The following PLXDC2 variants were observed in gnomAD, a reference collection of about 807,000 sequenced individuals.
PLXDC2 encodes the protein plexin domain containing 2, also known as plexin domain-containing protein 2.
In PLXDC2, 40 loss-of-function variants were observed where a neutral mutation model predicts 68.9. The ratio of observed to expected loss-of-function variants is 0.58; its 90% CI spans 0.45 to 0.76. The LOEUF (loss-of-function observed/expected upper bound fraction) is 0.76, where lower values mean the gene tolerates loss of function less well. PLXDC2 is among the 30% of genes least tolerant of loss of function. The pLI is 0.00. For missense variants in PLXDC2, 644 were observed against 661.9 expected, an observed-to-expected ratio of 0.97 and a Z score of 0.30; for synonymous variants, 243 against 234.2, an observed-to-expected ratio of 1.04 and a Z score of -0.34.
chr10:20,242,802 C>T (rs1026802805), intron 12 of PLXDC2, among the ~76,000 whole-genome samples: 2 of 152,158 alleles, frequency 1.3e-5, no homozygotes, highest in South Asian at 2.1e-4. Flanking sequence ...CCCCTGCCTT[C>T]AGGTTCAAGC....
chr10:20,165,963 G>T (rs1296441951), intron 7 of PLXDC2, among the ~76,000 whole-genome samples: 4 of 152,196 alleles, frequency 2.6e-5, no homozygotes, highest in East Asian at 1.9e-4. Context: ...GGGGGTGTTT[G>T]TGTCCTATGT....
intron 4 of PLXDC2, among the ~76,000 whole-genome samples, chr10:20,133,809 C>G (rs1833899982): frequency 6.6e-6 from 1 of 152,132 alleles, no homozygotes; most frequent in African/African-American, 2.4e-5. Context: ...TTTTCTCTTT[C>G]TCTGCTTCTT....
In PLXDC2 at chr10:20,068,208, C is replaced by T. The variant is rs752995446; in HGVS notation, c.510C>T (p.His170=). 3 of 1,613,438 alleles carry T rather than the reference C, an allele frequency of 1.9e-6. No individual in the cohort carries two copies. The highest frequency in any genetic ancestry group is 2.5e-6 in the Non-Finnish European group (3 of 1,179,684). Residue 170 remains histidine, a synonymous_variant, in exon 4 of 14, where the codon CAC becomes CAT. Coordinates refer to ENST00000377252, the MANE Select transcript of PLXDC2 (RefSeq NM_032812.9). Reference sequence around the variant, plus strand: ...CCTTCGATTTTCCATTTTATGGCCACTTCCTACGTGAAATCACTGTGGCAA... The same window carrying T: ...CCTTCGATTTTCCATTTTATGGCCATTTCCTACGTGAAATCACTGTGGCAA... ...NLSFDFPFYG[H]FLREITVATG...
intron 9 of PLXDC2, among the ~76,000 whole-genome samples, chr10:20,183,167 A>G (rs903127768): frequency 1.3e-5 from 2 of 151,944 alleles, no homozygotes; most frequent in Non-Finnish European, 2.9e-5. Context: ...TCAGACTTCA[A>G]GTGGAAATGT....
chr10:20,119,561 C>T (rs1833668099), intron 4 of PLXDC2, among the ~76,000 whole-genome samples: 1 of 145,748 alleles, frequency 6.9e-6, no homozygotes, highest in African/African-American at 2.4e-5. Flanking sequence ...ACGTGCAGGT[C>T]ACAGGGAATA....
At chr10:19,976,238 G>C (rs931929394) in intron 1 of PLXDC2, among the ~76,000 whole-genome samples, 17 of 151,930 alleles carry the variant, frequency 1.1e-4, no homozygotes, top group African/African-American at 4.1e-4. Flanking sequence ...TTTTGAGACA[G>C]AGTCTCACTC....
chr10:20,288,592 T>C lies in PLXDC2; in HGVS notation c.*8773T>C, dbSNP rs1358821887. 6.6e-6 allele frequency: 1 copy of C among 152,226 alleles called. No homozygotes were observed. The highest frequency in any genetic ancestry group is 1.5e-5 in the Non-Finnish European group (1 of 68,046). 9.4% of individuals were successfully genotyped at this position (152,226 alleles called of 1,614,324 possible). On this transcript the variant is annotated 3_prime_UTR_variant, in exon 14 of 14. Coordinates refer to ENST00000377252, the MANE Select transcript of PLXDC2 (RefSeq NM_032812.9). Reference sequence around the variant, plus strand: ...TACTTCTGCAAGCTTCCTGATTATGTTCACTGTAATATTAATGACCTAAGT... The same window carrying C: ...TACTTCTGCAAGCTTCCTGATTATGCTCACTGTAATATTAATGACCTAAGT...
At chr10:20,256,595 G>C (rs1835745424) in intron 13 of PLXDC2, among the ~76,000 whole-genome samples, 1 of 151,516 alleles carries the variant, frequency 6.6e-6, no homozygotes, top group Non-Finnish European at 1.5e-5. Flanking sequence ...CCCTAGATTT[G>C]TAATAAGATT....
At chr10:20,037,078 A>T (rs11011755) in intron 2 of PLXDC2, among the ~76,000 whole-genome samples, 15,222 of 152,226 alleles carry the variant, frequency 0.1, 1,700 homozygotes, top group African/African-American at 0.28. Context: ...GTTAAAAGGC[A>T]TTCCATGAGA....
intron 1 of PLXDC2, among the ~76,000 whole-genome samples, chr10:19,849,125 T>G (rs1315564051): frequency 6.6e-6 from 1 of 152,136 alleles, no homozygotes; most frequent in African/African-American, 2.4e-5. Flanking sequence ...AACCCACACA[T>G]GTACATAGTT....
In PLXDC2 at chr10:20,046,993, C is replaced by G. The variant is rs779067754; in HGVS notation, c.449C>G (p.Ser150Cys). 1 of 1,605,564 alleles carries G rather than the reference C, an allele frequency of 6.2e-7. No individual in the cohort carries two copies. The highest frequency in any genetic ancestry group is 1.7e-5 in the Admixed American group (1 of 57,912). The change falls in exon 3 of 14, where the codon TCC (serine) becomes TGC (cysteine). Residue 150 changes from serine to cysteine, a missense_variant. Around this residue, in one of 3 missense-constraint regions of PLXDC2, gnomAD observed 113 missense variants for 167.1 expected, o/e 0.68. Coordinates refer to ENST00000377252, the MANE Select transcript of PLXDC2 (RefSeq NM_032812.9). ...AAAGTGAAGATTCATGGAATATTGT[C>G]CAATACTCATCGGCAAGCTGCAGTA... ...KDKVKIHGIL[S>C]NTHRQAARVN...
chr10:20,112,106 C>T (rs1422219932), intron 4 of PLXDC2, among the ~76,000 whole-genome samples: 1 of 152,054 alleles, frequency 6.6e-6, no homozygotes, highest in African/African-American at 2.4e-5. Context: ...CAAGAAGGTC[C>T]GTCTGCAAGT....
chr10:20,238,678 T>TACACAC (rs1491264903), intron 12 of PLXDC2, among the ~76,000 whole-genome samples: 1 of 41,652 alleles, frequency 2.4e-5, no homozygotes, highest in Admixed American at 2.1e-4. Flanking sequence ...TATATATATG[T>TACACAC]ATATATATAT....
chr10:20,081,403 G>A (rs928234761), intron 4 of PLXDC2, among the ~76,000 whole-genome samples: 5 of 130,770 alleles, frequency 3.8e-5, no homozygotes, highest in African/African-American at 5.5e-5. Flanking sequence ...ATATTGAAAT[G>A]CAAAGAAAAA....
At chr10:20,240,058 T>G (rs1835494289) in intron 12 of PLXDC2, among the ~76,000 whole-genome samples, 1 of 152,186 alleles carries the variant, frequency 6.6e-6, no homozygotes, top group Non-Finnish European at 1.5e-5. Flanking sequence ...AATAGGTAGT[T>G]TTTTAATCCT....
intron 1 of PLXDC2, among the ~76,000 whole-genome samples, chr10:19,937,544 G>GTC (rs1283000294): frequency 1.0e-5 from 1 of 95,968 alleles, no homozygotes; most frequent in East Asian, 3.2e-4. Context: ...TATAGTCAAT[G>GTC]TATATATATA....
At chr10:20,187,374 C>T (rs539070130) in intron 9 of PLXDC2, among the ~76,000 whole-genome samples, 1 of 151,734 alleles carries the variant, frequency 6.6e-6, no homozygotes, top group African/African-American at 2.4e-5. Context: ...AACAATTATA[C>T]ACATTTATAG....
Position 20,123,737 on chromosome 10 carries a change from G to A in PLXDC2, c.542-19558G>A, listed in dbSNP as rs148586345. Among the ~76,000 whole-genome samples, 14 of 152,006 alleles carry A rather than the reference G, an allele frequency of 9.2e-5. No individual in the cohort carries two copies. In the East Asian group the frequency reaches 2.7e-3, roughly 30 times the overall value. On this transcript the variant is annotated intron_variant, in intron 4 of 13. Coordinates refer to ENST00000377252, the MANE Select transcript of PLXDC2 (RefSeq NM_032812.9). The stretch of plus-strand genomic sequence containing the variant: ...CCTCCAGAAAAGTGGGAAAGGGGAT[G>A]GGGCACAGAGATACGAGGTCAGGGC...
chr10:19,925,108 G>A (rs1344705390), intron 1 of PLXDC2, among the ~76,000 whole-genome samples: 1 of 152,188 alleles, frequency 6.6e-6, no homozygotes, highest in Non-Finnish European at 1.5e-5. Flanking sequence ...ACCCACTTAA[G>A]TTCCAGCCGT....
Sources: allele counts gnomAD v4.1 joint callset (sites outside exome capture counted in the v4.1 genomes callset), GRCh38; gene constraint gnomAD v4.1.1; regional missense constraint gnomAD v4.1.1; transcripts MANE v1.5; gene names NCBI Gene and HGNC (gene_info 2026-07-23, HGNC 2026-07-21).